LGSN: variants seen among roughly 807,000 people sequenced by gnomAD.
The protein encoded by LGSN is lengsin, lens protein with glutamine synthetase domain.
Under a neutral mutation model 19.5 loss-of-function variants are expected in LGSN, and 21 were observed. The ratio of observed to expected loss-of-function variants is 1.07; its 90% confidence interval spans 0.76 to 1.55. The LOEUF is 1.55. LGSN is among the 40% of genes most tolerant of loss of function. The pLI, the probability that LGSN is intolerant of heterozygous loss-of-function variation, is 0.00. For missense variants in LGSN, 673 were observed against 608.5 expected (o/e 1.11, Z -1.12); for synonymous variants, 257 against 215.6 (o/e 1.19, Z -1.68).
the LGSN span, among the ~76,000 whole-genome samples, chr6:63,427,978 A>G: frequency 6.6e-6 from 1 of 152,188 alleles, no homozygotes; most frequent in Non-Finnish European, 1.5e-5. Flanking sequence ...AAATAACACA[A>G]TAAATCTAGC....
the LGSN span, among the ~76,000 whole-genome samples, chr6:63,353,898 G>C: frequency 5.9e-3 from 895 of 152,070 alleles, 4 homozygotes; most frequent in Non-Finnish European, 9.6e-3. Flanking sequence ...TTGGGAAAAG[G>C]GACACCGTCT....
At chr6:63,570,022 T>C in the LGSN span, among the ~76,000 whole-genome samples, 10 of 152,336 alleles carry the variant, frequency 6.6e-5, no homozygotes, top group African/African-American at 2.2e-4. Context: ...CAATGGCAGC[T>C]GACAAGCAGG....
chr6:63,357,866 G>A, the LGSN span, among the ~76,000 whole-genome samples: 1 of 152,144 alleles, frequency 6.6e-6, no homozygotes. Flanking sequence ...TTTGGCTTTT[G>A]TTGCCATTGC....
chr6:63,330,011 ACCC>A, the LGSN span, among the ~76,000 whole-genome samples: 1 of 152,044 alleles, frequency 6.6e-6, no homozygotes, highest in African/African-American at 2.4e-5. Flanking sequence ...AGTTAAACAT[ACCC>A]GGGGCTCAGT....
At chr6:63,407,520 G>A in the LGSN span, among the ~76,000 whole-genome samples, 1 of 152,070 alleles carries the variant, frequency 6.6e-6, no homozygotes, top group Non-Finnish European at 1.5e-5. Flanking sequence ...GGTATTGATG[G>A]GACGTATCTC....
chr6:63,369,111 T>C, the LGSN span, among the ~76,000 whole-genome samples: 2 of 152,320 alleles, frequency 1.3e-5, no homozygotes, highest in Admixed American at 6.5e-5. Flanking sequence ...TTTAACTTCA[T>C]ACACAGATAA....
intron 1 of LGSN, among the ~76,000 whole-genome samples, chr6:63,299,336 A>G (rs1195112791): frequency 6.6e-6 from 1 of 152,164 alleles, no homozygotes; most frequent in African/African-American, 2.4e-5. Context: ...GACTCTTATC[A>G]TTGACTTACA....
chr6:63,490,739 A>G, the LGSN span, among the ~76,000 whole-genome samples: 3 of 152,084 alleles, frequency 2.0e-5, no homozygotes, highest in African/African-American at 4.8e-5. Flanking sequence ...ACGCCCGGCT[A>G]CCAAAAGGGT....
the LGSN span, chr6:63,480,190 G>A: frequency 7.2e-5 from 16 of 221,310 alleles, no homozygotes; most frequent in Non-Finnish European, 1.3e-4. Flanking sequence ...ATGGTTACCT[G>A]GCTGACCAGA....
chr6:63,493,380 G>C, the LGSN span, among the ~76,000 whole-genome samples: 1 of 152,306 alleles, frequency 6.6e-6, no homozygotes, highest in South Asian at 2.1e-4. Context: ...GGTGACAAAA[G>C]TCCATTTTCT....
intron 1 of LGSN, among the ~76,000 whole-genome samples, chr6:63,299,365 T>C (rs1768099610): frequency 1.3e-5 from 2 of 152,340 alleles, no homozygotes; most frequent in South Asian, 4.1e-4. Flanking sequence ...ACAAGTCTCC[T>C]CTAAAGTACC....
chr6:63,406,572 G>A, the LGSN span, among the ~76,000 whole-genome samples: 27 of 150,030 alleles, frequency 1.8e-4, no homozygotes, highest in African/African-American at 6.3e-4. Context: ...ACAAGAGAAA[G>A]CAGGAAAGAT....
the LGSN span, among the ~76,000 whole-genome samples, chr6:63,482,951 T>C: frequency 6.6e-6 from 1 of 152,190 alleles, no homozygotes; most frequent in African/African-American, 2.4e-5. Flanking sequence ...TCTGCCCACG[T>C]TGGCCTCCCA....
the LGSN span, among the ~76,000 whole-genome samples, chr6:63,412,529 G>GAAAGAAAGAAAGAAAGAAGGAAAGAAA: frequency 3.1e-5 from 1 of 32,406 alleles, no homozygotes; most frequent in East Asian, 1.0e-3. Flanking sequence ...AAAGAAAGAA[G>GAAAGAAAGAAAGAAAGAAGGAAAGAAA]GAAAGAAAGA....
the LGSN span, among the ~76,000 whole-genome samples, chr6:63,437,054 AGGGAGGGGAAGGGAAGGGGAG>A: frequency 3.4e-5 from 4 of 117,824 alleles, no homozygotes; most frequent in South Asian, 6.3e-4. Context: ...AGAAAAGGGA[AGGGAGGGGAAGGGAAGGGGAG>A]GGGAGGGGAA....
chr6:63,468,854 T>C, the LGSN span, among the ~76,000 whole-genome samples: 31 of 152,120 alleles, frequency 2.0e-4, no homozygotes, highest in African/African-American at 7.0e-4. Context: ...GTTCAAGCAA[T>C]TCTCCTGCCT....
chr6:63,368,519 G>A, the LGSN span, among the ~76,000 whole-genome samples: 1 of 152,008 alleles, frequency 6.6e-6, no homozygotes, highest in Non-Finnish European at 1.5e-5. Context: ...CCTCCTTCAA[G>A]CCTCTATTAA....
chr6:63,480,468 GCAAAGAAT>G, the LGSN span: 1 of 165,048 alleles, frequency 6.1e-6, no homozygotes, highest in Non-Finnish European at 1.3e-5. Context: ...GGGGAGGAAA[GCAAAGAAT>G]CAAAAAGGCA....
the LGSN span, among the ~76,000 whole-genome samples, chr6:63,449,057 C>T: frequency 6.6e-6 from 1 of 152,024 alleles, no homozygotes; most frequent in African/African-American, 2.4e-5. Context: ...AATACTACGC[C>T]ATTTTATATA....
Sources: allele counts gnomAD v4.1 joint callset (sites outside exome capture counted in the v4.1 genomes callset), GRCh38; gene constraint gnomAD v4.1.1; transcripts MANE v1.5; gene names NCBI Gene and HGNC (gene_info 2026-07-23, HGNC 2026-07-21).